Variants in PDK1 observed in about 807,000 individuals in gnomAD.
PDK1 encodes the protein [Pyruvate dehydrogenase (acetyl-transferring)] kinase isozyme 1, mitochondrial.
Under a neutral mutation model 54.2 loss-of-function variants are expected in PDK1, and 39 were observed. The observed-to-expected ratio is 0.72, with a 90% CI of 0.56 to 0.94. The LOEUF is 0.94. Among genes scored for constraint, PDK1 ranks in the 40% least tolerant of loss-of-function variants. PDK1 has a pLI of 0.00. For missense variants in PDK1, 552 were observed against 566.0 expected, an observed-to-expected ratio of 0.98 and a Z score of 0.25; for synonymous variants, 221 against 207.1, an observed-to-expected ratio of 1.07 and a Z score of -0.58.
In PDK1 at chr2:172,592,868, ATCTT is replaced by A. The variant is rs1030559308; in HGVS notation, c.1057-66_1057-63del. 2.2e-5 allele frequency: 18 copies of A among 832,898 alleles called. 1 individual carries two copies. In the African/African-American group the frequency reaches 3.0e-4, roughly 14 times the overall value. The allele number at this position is 832,898 out of a possible 1,614,324, so 51.6% of individuals were successfully genotyped here. ...AGCCCCGTGGTACTCAATGGCATCT[ATCTT>A]AATTAGAAAAGTATTTCAGTGTGTG... On this transcript the variant is annotated intron_variant, in intron 9 of 10. Coordinates refer to ENST00000282077, the MANE Select transcript of PDK1 (RefSeq NM_002610.5).
intron 3 of PDK1, chr2:172,562,908 T>C: frequency 1.0e-6 from 1 of 972,720 alleles, no homozygotes. Context: ...GAGAGTGTAA[T>C]GACCATCTCT....
At chr2:172,656,344 G>A in the PDK1 span, among the ~76,000 whole-genome samples, 4 of 152,158 alleles carry the variant, frequency 2.6e-5, no homozygotes, top group African/African-American at 9.7e-5. Context: ...TGGTAGTGAG[G>A]TGTGGGGTGG....
chr2:172,573,338 A>G (rs996451409), intron 8 of PDK1, among the ~76,000 whole-genome samples: 1 of 152,180 alleles, frequency 6.6e-6, no homozygotes, highest in African/African-American at 2.4e-5. Context: ...TCTAATGACT[A>G]TGATGTTGAG....
chr2:172,711,865 CAAAAAAAAAAAAA>C, the PDK1 span, among the ~76,000 whole-genome samples: 7 of 22,778 alleles, frequency 3.1e-4, no homozygotes, highest in Non-Finnish European at 4.4e-4. Context: ...GAACCTAGCT[CAAAAAAAAAAAAA>C]AAAAAAAAAA....
chr2:172,573,524 TACATATAC>T (rs1689403088), intron 8 of PDK1, among the ~76,000 whole-genome samples: 1 of 151,158 alleles, frequency 6.6e-6, no homozygotes, highest in East Asian at 1.9e-4. Context: ...TACACACACA[TACATATAC>T]ATATATACAT....
chr2:172,676,713 T>C, the PDK1 span, among the ~76,000 whole-genome samples: 3 of 152,348 alleles, frequency 2.0e-5, no homozygotes, highest in East Asian at 3.9e-4. Context: ...ATAAAGTTAG[T>C]TGATAAAGCA....
At chr2:172,636,353 G>A in the PDK1 span, among the ~76,000 whole-genome samples, 1 of 152,128 alleles carries the variant, frequency 6.6e-6, no homozygotes, top group Non-Finnish European at 1.5e-5. Context: ...TACATGGTGA[G>A]AGAGGGCGGG....
intron 8 of PDK1, among the ~76,000 whole-genome samples, chr2:172,571,723 T>C (rs1352239240): frequency 2.0e-5 from 3 of 152,066 alleles, no homozygotes; most frequent in African/African-American, 7.2e-5. Flanking sequence ...ATTTAAAAAT[T>C]TATATTAAAG....
chr2:172,597,692 G>GA lies in PDK1; in HGVS notation c.*1724dup, dbSNP rs1384359771. 8 of 152,198 alleles carry GA rather than the reference G, an allele frequency of 5.3e-5. No homozygotes were observed. The highest frequency in any genetic ancestry group is 1.9e-4 in the African/African-American group (8 of 41,458). The allele number at this position is 152,198 out of a possible 1,614,324, so 9.4% of individuals were successfully genotyped here. On this transcript the variant is annotated 3_prime_UTR_variant, in exon 11 of 11. Transcript: ENST00000282077. ...CTGTCATCAGCTGGCAAGTCCAGGA[G>GA]ACTGTGTCATTTAGAGACTGTGTTG...
the PDK1 span, among the ~76,000 whole-genome samples, chr2:172,641,967 C>G: frequency 6.6e-6 from 1 of 151,940 alleles, no homozygotes; most frequent in Non-Finnish European, 1.5e-5. Flanking sequence ...AGGCTGCTGG[C>G]GAGCCTTTCA....
chr2:172,704,818 C>T, the PDK1 span, among the ~76,000 whole-genome samples: 3 of 152,002 alleles, frequency 2.0e-5, no homozygotes, highest in Non-Finnish European at 4.4e-5. Context: ...TCACATAGAA[C>T]TGTAGCCAGG....
chr2:172,572,722 C>A (rs1689350099), intron 8 of PDK1, among the ~76,000 whole-genome samples: 3 of 152,068 alleles, frequency 2.0e-5, no homozygotes, highest in Admixed American at 2.0e-4. Context: ...GAGACTCCAT[C>A]TGAAAAAAAG....
chr2:172,714,794 T>A, the PDK1 span, among the ~76,000 whole-genome samples: 16 of 152,286 alleles, frequency 1.1e-4, no homozygotes, highest in East Asian at 2.9e-3. Flanking sequence ...GCCATTTTTA[T>A]ATGTATGGCT....
In PDK1 at chr2:172,568,781, A is replaced by G; in HGVS notation, c.810A>G (p.Pro270=). The G allele has an allele frequency of 6.2e-7, 1 of 1,609,564 alleles. No homozygotes were observed. Among genetic ancestry groups the G allele is most frequent in the Non-Finnish European group, 8.5e-7 (1 of 1,175,820 alleles). ...PGQPIQVVYV[P]SHLYHMVFEL... ...AGCCAATACAAGTGGTTTATGTACC[A>G]TCCCATCTCTATCACATGGTGTTTG... The change falls in exon 7 of 11, where the codon CCA becomes CCG. Residue 270 remains proline, a synonymous_variant. Transcript: ENST00000282077.
the PDK1 span, among the ~76,000 whole-genome samples, chr2:172,650,190 T>C: frequency 4.9e-3 from 743 of 152,280 alleles, 44 homozygotes; most frequent in East Asian, 0.12. Flanking sequence ...TATTCAACAT[T>C]CTTAAAGAAA....
At chr2:172,559,373 A>G (rs548410095) in intron 2 of PDK1, among the ~76,000 whole-genome samples, 1 of 152,318 alleles carries the variant, frequency 6.6e-6, no homozygotes, top group South Asian at 2.1e-4. Context: ...TCAAAACTGC[A>G]CTGAAATACA....
At chr2:172,683,432 T>C in the PDK1 span, among the ~76,000 whole-genome samples, 14 of 151,554 alleles carry the variant, frequency 9.2e-5, no homozygotes, top group Non-Finnish European at 1.9e-4. Flanking sequence ...GGCACTGACA[T>C]CTGCTCAGCT....
At chr2:172,698,925 G>A in the PDK1 span, among the ~76,000 whole-genome samples, 104 of 152,290 alleles carry the variant, frequency 6.8e-4, 1 homozygote, top group Admixed American at 4.7e-3. Context: ...AACCATTACA[G>A]TAAGAGAAGC....
chr2:172,581,471 C>T (rs1241452709), intron 8 of PDK1, among the ~76,000 whole-genome samples: 2 of 152,062 alleles, frequency 1.3e-5, no homozygotes, highest in Admixed American at 6.5e-5. Context: ...GTTCTAGAAG[C>T]CTGCTATGTT....
Sources: gnomAD v4.1 joint callset for allele counts (sites outside exome capture counted in the v4.1 genomes callset) on GRCh38, gnomAD v4.1.1 for gene constraint, MANE v1.5 for transcripts, NCBI Gene and HGNC (gene_info 2026-07-23, HGNC 2026-07-21) for gene names.